SDK1: variants seen among roughly 807,000 people sequenced by gnomAD.
SDK1 encodes protein sidekick-1.
A neutral mutation model predicts 245.5 loss-of-function variants in SDK1; 157 were observed. The ratio of observed to expected loss-of-function variants is 0.64; its 90% CI spans 0.56 to 0.73. SDK1 has a LOEUF of 0.73. SDK1 is among the 30% of genes least tolerant of loss of function. SDK1 has a pLI of 0.00. For synonymous variants in SDK1, 1,647 were observed against 1,278.5 expected (o/e 1.29, Z -6.15); for missense variants, 3,583 against 3,002.3 (o/e 1.19, Z -4.52).
chr7:4,175,708 C>T (rs1252924276), intron 33 of SDK1, 67 bp from the exon 34 acceptor site: 8 of 1,324,502 alleles, frequency 6.0e-6, no homozygotes, highest in African/African-American at 2.9e-5. Context: ...TTGTTCCTGC[C>T]GCACATCACC....
chr7:4,191,298 T>C (rs1783196138), intron 35 of SDK1, among the ~76,000 whole-genome samples: 2 of 151,870 alleles, frequency 1.3e-5, no homozygotes, highest in African/African-American at 4.9e-5. Context: ...AGGGTTCCCT[T>C]TCGTGCTCAG....
chr7:3,573,726 G>C (rs1272240585), intron 1 of SDK1, among the ~76,000 whole-genome samples: 2 of 151,996 alleles, frequency 1.3e-5, no homozygotes, highest in African/African-American at 4.8e-5. Flanking sequence ...GGCTTTCTGG[G>C]AGCCAGGCTG....
chr7:4,080,634 C>T (rs187306703), intron 22 of SDK1, among the ~76,000 whole-genome samples: 14 of 152,080 alleles, frequency 9.2e-5, no homozygotes, highest in Admixed American at 9.2e-4. Flanking sequence ...ACAAATGGGG[C>T]TGGAACAATT....
At chr7:3,370,116 G>A (rs1432145690) in intron 1 of SDK1, among the ~76,000 whole-genome samples, 1 of 152,222 alleles carries the variant, frequency 6.6e-6, no homozygotes, top group Non-Finnish European at 1.5e-5. Flanking sequence ...AGACCTGATT[G>A]TGAATGGAAA....
intron 14 of SDK1, among the ~76,000 whole-genome samples, chr7:3,995,634 C>A (rs773127340): frequency 2.0e-5 from 3 of 152,126 alleles, no homozygotes; most frequent in Non-Finnish European, 2.9e-5. Flanking sequence ...ACGAAGATAC[C>A]CTCCTGTGTC....
At chr7:3,428,151 CACTG>C (rs1165335445) in intron 1 of SDK1, among the ~76,000 whole-genome samples, 1 of 152,168 alleles carries the variant, frequency 6.6e-6, no homozygotes, top group Non-Finnish European at 1.5e-5. Flanking sequence ...AGTGACCAAT[CACTG>C]ACAGGCTTTG....
At chr7:3,734,093 G>A (rs1779255659) in intron 4 of SDK1, among the ~76,000 whole-genome samples, 1 of 152,244 alleles carries the variant, frequency 6.6e-6, no homozygotes, top group Non-Finnish European at 1.5e-5. Context: ...CCCGTGAGAT[G>A]AAGGCTCGTG....
At chr7:3,988,039 A>T (rs1051509308) in intron 14 of SDK1, among the ~76,000 whole-genome samples, 1 of 151,274 alleles carries the variant, frequency 6.6e-6, no homozygotes, top group Non-Finnish European at 1.5e-5. Context: ...GGATTCCAGG[A>T]TCACTTATGG....
Position 4,265,784 on chromosome 7 carries a change from G to GC in SDK1, c.*405dup. On this transcript the variant is annotated 3_prime_UTR_variant, in exon 45 of 45. Transcript: ENST00000404826. ...TGAGATCTCAGAGCTGCCCCGGCCG[G>GC]CCCCCGTCTCTTTCTACCTCCTCTT... 3.0e-6 allele frequency: 3 copies of GC among 1,011,804 alleles called. No homozygotes were observed. Among genetic ancestry groups the GC allele is most frequent in the Non-Finnish European group, 3.5e-6 (3 of 849,118 alleles). 62.7% of individuals were successfully genotyped at this position (1,011,804 alleles called of 1,614,324 possible).
In SDK1 at chr7:3,454,666, G is replaced by T. The variant is rs560967216; in HGVS notation, c.298+152782G>T. Among the ~76,000 whole-genome samples, 3 of 152,170 alleles carry T rather than the reference G, an allele frequency of 2.0e-5. No homozygotes were observed. The South Asian group carries it at 6.2e-4, about 32-fold the overall frequency. ...TCTCTTGGAAATAATCTGATTTGTTGTGTTTATCAACAGTTAATTCATTTT... is the reference window on the plus strand; with the variant it reads ...TCTCTTGGAAATAATCTGATTTGTTTTGTTTATCAACAGTTAATTCATTTT... On this transcript the variant is annotated intron_variant, in intron 1 of 44. Transcript: ENST00000404826.
intron 1 of SDK1, among the ~76,000 whole-genome samples, chr7:3,373,850 C>T (rs1190454771): frequency 2.0e-5 from 3 of 152,214 alleles, no homozygotes; most frequent in East Asian, 3.9e-4. Flanking sequence ...TTATAATCAA[C>T]AACAAAGAAG....
chr7:4,122,626 A>G (rs970913689), intron 25 of SDK1, among the ~76,000 whole-genome samples: 30 of 152,314 alleles, frequency 2.0e-4, no homozygotes, highest in Non-Finnish European at 3.8e-4. Flanking sequence ...CTAAGGATAA[A>G]TGAGGCCTTA....
intron 43 of SDK1, among the ~76,000 whole-genome samples, chr7:4,243,759 C>T (rs147890384): frequency 6.6e-6 from 1 of 152,214 alleles, no homozygotes; most frequent in Non-Finnish European, 1.5e-5. Context: ...TGGGTGGGGA[C>T]ACAGCCAAAC....
At chr7:3,691,346 C>T (rs1199863352) in intron 4 of SDK1, among the ~76,000 whole-genome samples, 2 of 152,110 alleles carry the variant, frequency 1.3e-5, no homozygotes, top group Non-Finnish European at 2.9e-5. Flanking sequence ...CAAGATAAAT[C>T]ACAGGCTTAA....
At chr7:4,148,887 C>A (rs914173967) in intron 29 of SDK1, among the ~76,000 whole-genome samples, 1 of 152,158 alleles carries the variant, frequency 6.6e-6, no homozygotes, top group East Asian at 1.9e-4. Context: ...GAAACCCTGT[C>A]TCTACTAAAA....
intron 5 of SDK1, among the ~76,000 whole-genome samples, chr7:3,833,910 T>C (rs1256516806): frequency 6.6e-6 from 1 of 152,164 alleles, no homozygotes; most frequent in East Asian, 1.9e-4. Context: ...AGTTTGCACT[T>C]GAAGGATGGA....
At chr7:4,189,093 C>T (rs955780876) in intron 35 of SDK1, among the ~76,000 whole-genome samples, 18 of 152,040 alleles carry the variant, frequency 1.2e-4, no homozygotes, top group African/African-American at 3.4e-4. Context: ...TTGATGGAAA[C>T]GTATTAAATA....
chr7:4,093,458 C>CAAAAA (rs71032922), intron 22 of SDK1, among the ~76,000 whole-genome samples: 14 of 77,730 alleles, frequency 1.8e-4, no homozygotes, highest in Admixed American at 1.6e-4. Context: ...AAATGGAAAG[C>CAAAAA]AAAAAAAAAA....
At chr7:3,962,900 G>C in intron 9 of SDK1, 49 bp downstream of exon 9, 1 of 1,389,018 alleles carries the variant, frequency 7.2e-7, no homozygotes, top group Non-Finnish European at 9.9e-7. Context: ...TATCCAGTGA[G>C]TACACTCAGC....
Sources: allele counts gnomAD v4.1 joint callset (sites outside exome capture counted in the v4.1 genomes callset), GRCh38; gene constraint gnomAD v4.1.1; transcripts MANE v1.5; gene names NCBI Gene and HGNC (gene_info 2026-07-23, HGNC 2026-07-21).